The following ST18 variants were observed in gnomAD, a reference collection of about 807,000 sequenced individuals.
ST18 encodes suppression of tumorigenicity 18 protein.
Under a neutral mutation model 110.0 loss-of-function variants are expected in ST18, and 50 were observed. The observed-to-expected ratio is 0.45, with a 90% CI of 0.36 to 0.58. The LOEUF is 0.58. Among genes scored for constraint, ST18 ranks in the 20% least tolerant of loss-of-function variants. The pLI, the probability that ST18 is intolerant of heterozygous loss-of-function variation, is 0.00. For synonymous variants in ST18, 461 were observed against 452.4 expected, an observed-to-expected ratio of 1.02 and a Z score of -0.24; for missense variants, 1,306 against 1,280.1, an observed-to-expected ratio of 1.02 and a Z score of -0.31.
At chr8:52,333,978 G>C (rs1323729216) in intron 2 of ST18, among the ~76,000 whole-genome samples, 1 of 152,228 alleles carries the variant, frequency 6.6e-6, no homozygotes, top group Non-Finnish European at 1.5e-5. Context: ...TATCCCAGGA[G>C]AGACACCTGT....
At chr8:52,186,115 C>T (rs113378722) in intron 8 of ST18, among the ~76,000 whole-genome samples, 16 of 152,136 alleles carry the variant, frequency 1.1e-4, no homozygotes, top group African/African-American at 3.6e-4. Flanking sequence ...TATGGTTTTC[C>T]AAAGACCATT....
intron 17 of ST18, among the ~76,000 whole-genome samples, chr8:52,138,311 C>T (rs1283845210): frequency 1.3e-5 from 2 of 152,048 alleles, no homozygotes; most frequent in Non-Finnish European, 2.9e-5. Context: ...GACTAATTAG[C>T]GAAGACAATT....
intron 2 of ST18, among the ~76,000 whole-genome samples, chr8:52,311,583 G>A (rs2095910300): frequency 6.6e-6 from 1 of 152,178 alleles, no homozygotes; most frequent in African/African-American, 2.4e-5. Context: ...AGGATTAATT[G>A]ACTCACAGTT....
intron 2 of ST18, among the ~76,000 whole-genome samples, chr8:52,379,208 C>T (rs1833585121): frequency 6.6e-6 from 1 of 151,698 alleles, no homozygotes; most frequent in Admixed American, 6.6e-5. Flanking sequence ...AGCGATTCTC[C>T]TGCCTCAGCC....
intron 2 of ST18, among the ~76,000 whole-genome samples, chr8:52,385,386 G>T (rs746279657): frequency 2.7e-4 from 41 of 152,232 alleles, no homozygotes; most frequent in Non-Finnish European, 5.1e-4. Flanking sequence ...GATCACCTGA[G>T]GTCAGAAGTT....
intron 22 of ST18, among the ~76,000 whole-genome samples, chr8:52,129,194 G>A (rs528629191): frequency 6.6e-6 from 1 of 151,956 alleles, no homozygotes; most frequent in African/African-American, 2.4e-5. Flanking sequence ...GGCCAGGCAC[G>A]GTGGCTCATA....
chr8:52,402,298 A>T (rs941943890), intron 2 of ST18, among the ~76,000 whole-genome samples: 5 of 152,196 alleles, frequency 3.3e-5, no homozygotes, highest in Non-Finnish European at 7.3e-5. Flanking sequence ...GAATGGCTGT[A>T]GAACTGGGGT....
intron 2 of ST18, among the ~76,000 whole-genome samples, chr8:52,291,082 C>T (rs565364659): frequency 6.6e-6 from 1 of 152,340 alleles, no homozygotes; most frequent in East Asian, 1.9e-4. Context: ...GCATAGCATC[C>T]ATCACTGCCT....
intron 8 of ST18, among the ~76,000 whole-genome samples, chr8:52,183,618 T>C (rs11991359): frequency 0.22 from 33,805 of 152,142 alleles, 7,059 homozygotes; most frequent in African/African-American, 0.55. Context: ...AAATAATAAC[T>C]TCTATATCAC....
chr8:52,268,693 G>T (rs1451298418), intron 2 of ST18, among the ~76,000 whole-genome samples: 1 of 152,178 alleles, frequency 6.6e-6, no homozygotes, highest in Non-Finnish European at 1.5e-5. Context: ...GCCAAGCTAG[G>T]GGACATAAAA....
chr8:52,203,558 C>A (rs1468392739), intron 8 of ST18, among the ~76,000 whole-genome samples: 1 of 151,538 alleles, frequency 6.6e-6, no homozygotes, highest in African/African-American at 2.4e-5. Flanking sequence ...ACATTTTAAG[C>A]AGGAAAAAAA....
chr8:52,132,288 T>C, intron 21 of ST18, 109 bp from the exon 22 acceptor site: 5 of 955,116 alleles, frequency 5.2e-6, no homozygotes, highest in Non-Finnish European at 7.6e-6. Context: ...GATGCCACCA[T>C]AACTAGCAAA....
chr8:52,204,824 G>C (rs975623840), intron 8 of ST18, among the ~76,000 whole-genome samples: 1 of 152,160 alleles, frequency 6.6e-6, no homozygotes, highest in African/African-American at 2.4e-5. Context: ...AGAGATGTTA[G>C]TGCCTTAGAC....
intron 2 of ST18, among the ~76,000 whole-genome samples, chr8:52,277,452 C>T (rs950628911): frequency 1.3e-5 from 2 of 152,218 alleles, no homozygotes; most frequent in Non-Finnish European, 1.5e-5. Context: ...CTTTCTTCCA[C>T]TGCAATGTTG....
In ST18 at chr8:52,208,627, C is replaced by A. The variant is rs184034170; in HGVS notation, c.86+3452G>T. The stretch of plus-strand genomic sequence containing the variant: ...GGATCACGAGGTCAGGAGATTGAGA[C>A]CATCCTGGCTAACACGGTGAAACCC... On this transcript the variant is annotated intron_variant, in intron 8 of 25. Coordinates refer to ENST00000689386, the MANE Select transcript of ST18 (RefSeq NM_001352837.2). Among the ~76,000 whole-genome samples, 1,443 of 152,242 alleles carry A rather than the reference C, an allele frequency of 9.5e-3. 25 individuals carry two copies. The highest frequency in any genetic ancestry group is 0.033 in the African/African-American group (1,365 of 41,534).
At chr8:52,369,862 T>A (rs997046414) in intron 2 of ST18, among the ~76,000 whole-genome samples, 1 of 152,222 alleles carries the variant, frequency 6.6e-6, no homozygotes, top group African/African-American at 2.4e-5. Flanking sequence ...TTCATCCTTA[T>A]GATGTTCATG....
chr8:52,347,783 T>G (rs1818414128), intron 2 of ST18, among the ~76,000 whole-genome samples: 1 of 152,184 alleles, frequency 6.6e-6, no homozygotes, highest in Non-Finnish European at 1.5e-5. Context: ...GAAACCCATC[T>G]GGGGAAATGG....
intron 3 of ST18, among the ~76,000 whole-genome samples, chr8:52,223,746 A>G (rs1178911261): frequency 6.6e-6 from 1 of 152,168 alleles, no homozygotes; most frequent in Admixed American, 6.5e-5. Flanking sequence ...AGGGCAAGTA[A>G]GTTTAACATG....
chr8:52,184,355 C>A (rs2071123447), intron 8 of ST18, among the ~76,000 whole-genome samples: 1 of 152,190 alleles, frequency 6.6e-6, no homozygotes, highest in African/African-American at 2.4e-5. Context: ...TATCTTTCAA[C>A]TCCATACTTT....
Sources: gnomAD v4.1 joint callset for allele counts (sites outside exome capture counted in the v4.1 genomes callset) on GRCh38, gnomAD v4.1.1 for gene constraint, MANE v1.5 for transcripts, NCBI Gene and HGNC (gene_info 2026-07-23, HGNC 2026-07-21) for gene names.